SLC7A11: variants seen among roughly 807,000 people sequenced by gnomAD.
SLC7A11 encodes cystine/glutamate transporter.
SLC7A11 carries 35 observed loss-of-function variants against 54.5 expected under a neutral mutation model. The observed-to-expected ratio is 0.64, with a 90% CI of 0.49 to 0.85. SLC7A11 has a LOEUF of 0.85. Ranked by LOEUF, SLC7A11 falls within the 40% of genes least tolerant of loss-of-function variation. The pLI is 0.00. For synonymous variants in SLC7A11, 230 were observed against 225.2 expected, an observed-to-expected ratio of 1.02 and a Z score of -0.19; for missense variants, 583 against 618.1, an observed-to-expected ratio of 0.94 and a Z score of 0.60.
chr4:138,198,014 T>C (rs886670175), intron 6 of SLC7A11, among the ~76,000 whole-genome samples: 3 of 149,122 alleles, frequency 2.0e-5, no homozygotes, highest in African/African-American at 7.4e-5. Flanking sequence ...AACTAAGGAG[T>C]AATATGACTA....
At chr4:138,185,832 G>A (rs1291120279) in intron 6 of SLC7A11, among the ~76,000 whole-genome samples, 1 of 152,024 alleles carries the variant, frequency 6.6e-6, no homozygotes, top group African/African-American at 2.4e-5. Context: ...TATGATAGTG[G>A]GATATATCTA....
Position 138,168,500 on chromosome 4 carries a change from T to C in SLC7A11, c.*3456A>G, listed in dbSNP as rs1302681214. Reference sequence around the variant, plus strand: ...CTGCAAATCAAGATAAAATAATGATTTTCCTGTAGACTGATTACAGTTCAT... The same window carrying C: ...CTGCAAATCAAGATAAAATAATGATCTTCCTGTAGACTGATTACAGTTCAT... On this transcript the variant is annotated 3_prime_UTR_variant, in exon 12 of 12. Coordinates refer to ENST00000280612, the MANE Select transcript of SLC7A11 (RefSeq NM_014331.4). 2 of 152,216 alleles carry C rather than the reference T, an allele frequency of 1.3e-5. No individual in the cohort carries two copies. The highest frequency in any genetic ancestry group is 1.3e-4 in the Admixed American group (2 of 15,270). The allele number at this position is 152,216 out of a possible 1,614,324, so 9.4% of individuals were successfully genotyped here.
At chr4:138,198,573 G>C (rs1737196395) in intron 6 of SLC7A11, among the ~76,000 whole-genome samples, 1 of 152,102 alleles carries the variant, frequency 6.6e-6, no homozygotes, top group Non-Finnish European at 1.5e-5. Context: ...AGTATTCTTA[G>C]CTATTGCTAT....
chr4:138,236,315 A>G lies in SLC7A11; in HGVS notation c.404+10T>C, dbSNP rs753228313. The G allele has an allele frequency of 2.1e-5, 33 of 1,599,402 alleles. No individual in the cohort carries two copies. Among genetic ancestry groups the G allele is most frequent in the Non-Finnish European group, 2.6e-5 (31 of 1,175,606 alleles). On this transcript the variant is annotated intron_variant, in intron 2 of 11. Coordinates refer to ENST00000280612, the MANE Select transcript of SLC7A11 (RefSeq NM_014331.4). Reference sequence around the variant, plus strand: ...TTATTTTTTCTTAATTCTTTCTACTATGCTCTTACCGTATTATGAGGAGTT... The same window carrying G: ...TTATTTTTTCTTAATTCTTTCTACTGTGCTCTTACCGTATTATGAGGAGTT...
chr4:138,222,190 T>C (rs1276547566), intron 4 of SLC7A11, among the ~76,000 whole-genome samples: 1 of 152,192 alleles, frequency 6.6e-6, no homozygotes, highest in Non-Finnish European at 1.5e-5. Context: ...ACTAGGCTTA[T>C]TAAATGGGCA....
At chr4:138,194,636 A>G (rs568129274) in intron 6 of SLC7A11, among the ~76,000 whole-genome samples, 9 of 152,100 alleles carry the variant, frequency 5.9e-5, no homozygotes, top group Non-Finnish European at 1.0e-4. Context: ...TACCATCCCA[A>G]ATGTAAATTG....
intron 3 of SLC7A11, among the ~76,000 whole-genome samples, chr4:138,228,221 T>A (rs1737988872): frequency 6.6e-6 from 1 of 152,056 alleles, no homozygotes; most frequent in African/African-American, 2.4e-5. Context: ...TTTATATAGA[T>A]AAAATAAACT....
Position 138,183,224 on chromosome 4 carries a change from C to T in SLC7A11, c.997G>A (p.Gly333Ser). ...CACCTGGAGACAGCAAACACACCAC[C>T]GTTCATGGAGCCAAAGCAGGAGAGG... is the stretch of plus-strand genomic sequence containing the variant. ...VALSCFGSMN[G>S]GVFAVSRLFY... The change falls in exon 8 of 12, where the codon GGT becomes AGT. Residue 333 changes from glycine (G) to serine (S), a missense_variant. Gly to Ser is a moderately conservative substitution (Grantham distance 56). Transcript: ENST00000280612. 5 of 1,611,358 alleles carry T rather than the reference C, an allele frequency of 3.1e-6. No homozygotes were observed. Among genetic ancestry groups the T allele is most frequent in the Non-Finnish European group, 4.2e-6 (5 of 1,178,354 alleles).
chr4:138,229,064 A>G (rs1289538044), intron 3 of SLC7A11, among the ~76,000 whole-genome samples: 1 of 152,138 alleles, frequency 6.6e-6, no homozygotes, highest in Non-Finnish European at 1.5e-5. Flanking sequence ...CTTTTTTTCT[A>G]TGATGTAGCA....
intron 6 of SLC7A11, among the ~76,000 whole-genome samples, chr4:138,212,816 G>A (rs965183190): frequency 4.6e-5 from 7 of 151,842 alleles, no homozygotes; most frequent in African/African-American, 1.7e-4. Context: ...CACCACTGAT[G>A]AATCATATAA....
intron 3 of SLC7A11, among the ~76,000 whole-genome samples, chr4:138,231,024 C>A (rs1467989319): frequency 6.6e-6 from 1 of 152,066 alleles, no homozygotes; most frequent in Non-Finnish European, 1.5e-5. Context: ...AAAATAATGT[C>A]TTTGCTGCCA....
chr4:138,219,352 G>A lies in SLC7A11; in HGVS notation c.660C>T (p.Asn220=). ...VMQLIKGQTQ[N]FKDAFSGRDS... is the part of the protein sequence containing the mutation. ...CTCTTCCTGAAAAGGCGTCTTTAAA[G>A]TTCTGCGTTTGACCTGTAATTAGAA... is the stretch of plus-strand genomic sequence containing the variant. Residue 220 remains asparagine, a synonymous_variant, in exon 5 of 12, where the codon AAC becomes AAT. Coordinates refer to ENST00000280612, the MANE Select transcript of SLC7A11 (RefSeq NM_014331.4). 6.2e-7 allele frequency: 1 copy of A among 1,600,734 alleles called. No homozygotes were observed. Among genetic ancestry groups the A allele is most frequent in the Non-Finnish European group, 8.6e-7 (1 of 1,168,222 alleles).
At position 138,179,316 on chromosome 4, in the gene SLC7A11, T is replaced by A; in HGVS notation, c.1345A>T (p.Ser449Cys). ...GTGATGACGAAGCCAATCCCTGTACTAAATGGGTCCGAATAGAGGGAAAGG... is the reference window on the plus strand; with the variant it reads ...GTGATGACGAAGCCAATCCCTGTACAAAATGGGTCCGAATAGAGGGAAAGG... ...VALSLYSDPF[S>C]TGIGFVITLT... Residue 449 changes from serine to cysteine, a missense_variant, in exon 11 of 12, where the codon AGT (serine) becomes TGT (cysteine). Transcript: ENST00000280612. 1 of 1,612,700 alleles carries A rather than the reference T, an allele frequency of 6.2e-7. No individual in the cohort carries two copies.
intron 1 of SLC7A11, among the ~76,000 whole-genome samples, chr4:138,237,898 C>T (rs1287297692): frequency 2.7e-5 from 4 of 148,908 alleles, no homozygotes; most frequent in Middle Eastern, 6.5e-3. Flanking sequence ...ATTAGAGGTG[C>T]CTGCCAGCAC....
chr4:138,219,352 GT>G lies in SLC7A11; in HGVS notation c.659del (p.Asn220ThrfsTer40), dbSNP rs1253684539. On this transcript the variant is annotated frameshift_variant, in exon 5 of 12. Transcript: ENST00000280612. LOFTEE classifies it high-confidence loss of function. ...CTCTTCCTGAAAAGGCGTCTTTAAA[GT>G]TCTGCGTTTGACCTGTAATTAGAAT... ...VMQLIKGQTQ[N>X]FKDAFSGRDS... 2.2e-5 allele frequency: 35 copies of G among 1,600,610 alleles called. No individual in the cohort carries two copies. Among genetic ancestry groups the G allele is most frequent in the Non-Finnish European group, 3.0e-5 (35 of 1,168,224 alleles).
chr4:138,198,750 T>C (rs1014339144), intron 6 of SLC7A11, among the ~76,000 whole-genome samples: 1 of 152,196 alleles, frequency 6.6e-6, no homozygotes, highest in Non-Finnish European at 1.5e-5. Context: ...AGAATTATTA[T>C]TATTTTTGCA....
At chr4:138,185,781 A>G (rs143349823) in intron 6 of SLC7A11, among the ~76,000 whole-genome samples, 2 of 152,264 alleles carry the variant, frequency 1.3e-5, no homozygotes, top group East Asian at 1.9e-4. Flanking sequence ...TTTTCCATCA[A>G]TAGCTTTCAT....
At position 138,166,280 on chromosome 4, in the gene SLC7A11, G is replaced by A; in HGVS notation, c.*5676C>T. The A allele has an allele frequency of 6.6e-6, 1 of 152,054 alleles. No homozygotes were observed. Among genetic ancestry groups the A allele is most frequent in the Non-Finnish European group, 1.5e-5 (1 of 68,020 alleles). 9.4% of individuals were successfully genotyped at this position (152,054 alleles called of 1,614,324 possible). The stretch of plus-strand genomic sequence containing the variant: ...TCTAAATTTTATAATACACATTTAA[G>A]TCAGACCACTCACAACCCAACAAAT... On this transcript the variant is annotated 3_prime_UTR_variant, in exon 12 of 12. Coordinates refer to ENST00000280612, the MANE Select transcript of SLC7A11 (RefSeq NM_014331.4).
intron 5 of SLC7A11, among the ~76,000 whole-genome samples, chr4:138,217,933 A>G (rs1311545603): frequency 6.6e-6 from 1 of 152,232 alleles, no homozygotes; most frequent in African/African-American, 2.4e-5. Context: ...CTTCAAAAAT[A>G]CTGAGTGATT....
Sources: allele counts gnomAD v4.1 joint callset (sites outside exome capture counted in the v4.1 genomes callset), GRCh38; gene constraint gnomAD v4.1.1; transcripts MANE v1.5; gene names NCBI Gene and HGNC (gene_info 2026-07-23, HGNC 2026-07-21).